RAB7A: variants seen among roughly 807,000 people sequenced by gnomAD.
RAB7A encodes RAB7A, member RAS oncogene family.
A neutral mutation model predicts 24.5 loss-of-function variants in RAB7A; 2 were observed. The observed-to-expected ratio is 0.08, with a 90% CI of 0.03 to 0.26. The LOEUF (loss-of-function observed/expected upper bound fraction) is 0.26. Ranked by LOEUF, RAB7A falls within the 10% of genes least tolerant of loss-of-function variation. The pLI is 1.00. For missense variants in RAB7A, 118 were observed against 255.7 expected (o/e 0.46, Z 3.67); for synonymous variants, 100 against 95.9 (o/e 1.04, Z -0.25).
chr3:128,731,358 A>T (rs899619978), intron 1 of RAB7A, among the ~76,000 whole-genome samples: 2 of 152,240 alleles, frequency 1.3e-5, no homozygotes, highest in South Asian at 2.1e-4. Context: ...ACTTACAGAT[A>T]TGAGGATCCC....
chr3:128,806,284 A>G (rs1933800356), intron 3 of RAB7A, 88 bp from the exon 4 acceptor site: 2 of 1,236,152 alleles, frequency 1.6e-6, no homozygotes, highest in Non-Finnish European at 2.3e-6. Context: ...CCCACAATCT[A>G]GCCTATTTCT....
intron 1 of RAB7A, among the ~76,000 whole-genome samples, chr3:128,739,373 T>C (rs774918428): frequency 4.6e-5 from 7 of 151,936 alleles, no homozygotes; most frequent in Admixed American, 4.6e-4. Context: ...AGTAGCTGGG[T>C]GTGGTGGTGC....
intron 2 of RAB7A, among the ~76,000 whole-genome samples, chr3:128,796,319 T>G (rs1933574208): frequency 6.6e-6 from 1 of 151,732 alleles, no homozygotes. Context: ...TTTAGCCAGG[T>G]GCCGTACCTG....
chr3:128,751,466 A>G (rs2070680158), intron 1 of RAB7A, among the ~76,000 whole-genome samples: 1 of 152,096 alleles, frequency 6.6e-6, no homozygotes, highest in Non-Finnish European at 1.5e-5. Context: ...TTAAGATTTA[A>G]ATGCCCTGCT....
At chr3:128,729,118 G>A (rs2070408694) in intron 1 of RAB7A, among the ~76,000 whole-genome samples, 2 of 152,070 alleles carry the variant, frequency 1.3e-5, no homozygotes, top group African/African-American at 4.8e-5. Context: ...AACCACTTGG[G>A]GCAATTTTTT....
At chr3:128,765,046 T>TGGCTGCGCGGCGCTGGAGCGGC in intron 1 of RAB7A, 1 of 1,293,002 alleles carries the variant, frequency 7.7e-7, no homozygotes, top group East Asian at 2.4e-5. Flanking sequence ...GTGGCGGCGG[T>TGGCTGCGCGGCGCTGGAGCGGC]GGCTGCGCGG....
chr3:128,803,631 G>A (rs945758503), intron 3 of RAB7A, among the ~76,000 whole-genome samples: 3 of 152,160 alleles, frequency 2.0e-5, no homozygotes, highest in Non-Finnish European at 4.4e-5. Context: ...CCTTGCATGG[G>A]GAGTGAAAAA....
chr3:128,789,219 G>A (rs1352168162), intron 1 of RAB7A, among the ~76,000 whole-genome samples: 1 of 151,870 alleles, frequency 6.6e-6, no homozygotes, highest in Non-Finnish European at 1.5e-5. Context: ...GAGATCTTAT[G>A]TAACTCTTTC....
intron 5 of RAB7A, among the ~76,000 whole-genome samples, chr3:128,807,979 G>C (rs550124782): frequency 6.6e-6 from 1 of 152,276 alleles, no homozygotes; most frequent in Admixed American, 6.5e-5. Context: ...CGAACAGATT[G>C]CTGCTTCTAT....
chr3:128,777,248 C>CAGTT (rs1933116275), intron 1 of RAB7A, among the ~76,000 whole-genome samples: 1 of 152,050 alleles, frequency 6.6e-6, no homozygotes, highest in Non-Finnish European at 1.5e-5. Flanking sequence ...CGCTGGAGTA[C>CAGTT]AGTTATATGA....
At chr3:128,810,846 G>A (rs1284475596) in intron 5 of RAB7A, among the ~76,000 whole-genome samples, 1 of 152,158 alleles carries the variant, frequency 6.6e-6, no homozygotes, top group Non-Finnish European at 1.5e-5. Flanking sequence ...CTTAGGTCAG[G>A]AGTTCAAGAC....
At chr3:128,808,234 C>T (rs1933847114) in intron 5 of RAB7A, among the ~76,000 whole-genome samples, 1 of 152,038 alleles carries the variant, frequency 6.6e-6, no homozygotes, top group Admixed American at 6.6e-5. Context: ...GTGGTGGTCG[C>T]CAGTAATCCC....
intron 1 of RAB7A, among the ~76,000 whole-genome samples, chr3:128,772,407 T>C (rs1337337581): frequency 1.3e-5 from 2 of 152,230 alleles, no homozygotes; most frequent in Non-Finnish European, 2.9e-5. Flanking sequence ...TATAATACTA[T>C]TGTCTCGTTT....
intron 1 of RAB7A, among the ~76,000 whole-genome samples, chr3:128,740,100 C>T (rs187997927): frequency 1.6e-4 from 25 of 151,700 alleles, no homozygotes; most frequent in African/African-American, 4.8e-4. Flanking sequence ...GGGCTGGGCA[C>T]GGTGGCTCCC....
intron 1 of RAB7A, among the ~76,000 whole-genome samples, chr3:128,783,861 T>A (rs1250440283): frequency 6.6e-6 from 1 of 152,248 alleles, no homozygotes; most frequent in Non-Finnish European, 1.5e-5. Context: ...GAACACTTCT[T>A]TTTAGGCATT....
chr3:128,742,949 C>T (rs575308017), intron 1 of RAB7A, among the ~76,000 whole-genome samples: 20 of 152,332 alleles, frequency 1.3e-4, no homozygotes, highest in Admixed American at 7.8e-4. Context: ...CTTGGGCTGC[C>T]GATGGGACCA....
At chr3:128,762,234 A>G (rs1474370940) in intron 1 of RAB7A, among the ~76,000 whole-genome samples, 1 of 152,206 alleles carries the variant, frequency 6.6e-6, no homozygotes, top group Non-Finnish European at 1.5e-5. Context: ...GGCTACAGAT[A>G]GACTTTCCTG....
chr3:128,797,832 C>T (rs1933608008), intron 2 of RAB7A, 111 bp from the exon 3 acceptor site: 3 of 1,251,942 alleles, frequency 2.4e-6, no homozygotes, highest in Non-Finnish European at 3.5e-6. Context: ...GCTGTGAGGG[C>T]AGTTTCTTGT....
chr3:128,772,486 A>G (rs971546678), intron 1 of RAB7A, among the ~76,000 whole-genome samples: 1 of 152,316 alleles, frequency 6.6e-6, no homozygotes, highest in South Asian at 2.1e-4. Context: ...GGGGTTGTGA[A>G]TTAAATTCCT....
Sources: allele counts gnomAD v4.1 joint callset (sites outside exome capture counted in the v4.1 genomes callset), GRCh38; gene constraint gnomAD v4.1.1; transcripts MANE v1.5; gene names NCBI Gene and HGNC (gene_info 2026-07-23, HGNC 2026-07-21).